PDE3B: variants seen among roughly 807,000 people sequenced by gnomAD.
PDE3B encodes phosphodiesterase 3B.
A neutral mutation model predicts 116.8 loss-of-function variants in PDE3B; 66 were observed. That is an observed-to-expected ratio of 0.56 (90% confidence interval 0.46 to 0.69). The LOEUF is 0.69. PDE3B is among the 30% of genes least tolerant of loss of function. The probability of loss-of-function intolerance (pLI) is 0.00; values close to 1 mark genes in which losing one functional copy is unlikely to be tolerated. For missense variants in PDE3B, 1,384 were observed against 1,368.1 expected (o/e 1.01, Z -0.18); for synonymous variants, 595 against 533.6 (o/e 1.12, Z -1.59).
At chr11:14,884,488 C>A in the PDE3B span, among the ~76,000 whole-genome samples, 1 of 135,502 alleles carries the variant, frequency 7.4e-6, no homozygotes, top group Non-Finnish European at 1.5e-5. Flanking sequence ...ACAATGAGAA[C>A]ACATGGACAC....
At chr11:14,810,571 T>G (rs1471763126) in intron 5 of PDE3B, among the ~76,000 whole-genome samples, 1 of 151,998 alleles carries the variant, frequency 6.6e-6, no homozygotes, top group East Asian at 1.9e-4. Flanking sequence ...CTATCATTGT[T>G]GGACATTTGG....
the PDE3B span, among the ~76,000 whole-genome samples, chr11:14,897,492 T>C: frequency 6.6e-6 from 1 of 152,182 alleles, no homozygotes; most frequent in East Asian, 1.9e-4. Context: ...TTTAGTGTCA[T>C]TTGTGGAGGT....
rs145662226 is a variant in PDE3B, at chr11:14,670,920, A to G, written c.978+25867A>G. On this transcript the variant is annotated intron_variant, in intron 1 of 15. Transcript: ENST00000282096. ...GACAGAGTCTCACCATGTTCCCCAG[A>G]CTGGGCGCAAACTCCTGGGTAGGTA... is the stretch of plus-strand genomic sequence containing the variant. Among the ~76,000 whole-genome samples, 679 of 151,306 alleles carry G rather than the reference A, an allele frequency of 4.5e-3. 3 individuals carry two copies. Among genetic ancestry groups the G allele is most frequent in the African/African-American group, 0.015 (606 of 41,166 alleles).
At chr11:14,881,008 G>GCTAGT in the PDE3B span, among the ~76,000 whole-genome samples, 5 of 152,064 alleles carry the variant, frequency 3.3e-5, no homozygotes, top group Admixed American at 3.3e-4. Context: ...ACCACAAGAA[G>GCTAGT]CTAGTCAGTC....
At chr11:14,671,915 C>G (rs573510047) in intron 1 of PDE3B, among the ~76,000 whole-genome samples, 1 of 150,890 alleles carries the variant, frequency 6.6e-6, no homozygotes, top group African/African-American at 2.4e-5. Flanking sequence ...GTGTTCCTAG[C>G]TACTTAGGGG....
At chr11:14,892,076 G>C in the PDE3B span, 1 of 1,611,908 alleles carries the variant, frequency 6.2e-7, no homozygotes, top group South Asian at 1.1e-5. Context: ...GGCAGCCCCG[G>C]CGGCCCCGGG....
chr11:14,773,099 C>T (rs184340169), intron 2 of PDE3B: 12 of 152,054 alleles, frequency 7.9e-5, no homozygotes, highest in Admixed American at 6.6e-5. Flanking sequence ...TTTGTAGATA[C>T]CCTTTAGCAG....
chr11:14,762,719 A>G (rs746666440), intron 1 of PDE3B, among the ~76,000 whole-genome samples: 1 of 152,356 alleles, frequency 6.6e-6, no homozygotes, highest in East Asian at 1.9e-4. Context: ...AGAGAGCATG[A>G]TGGCTTAGGC....
chr11:14,710,493 T>C (rs993224154), intron 1 of PDE3B, among the ~76,000 whole-genome samples: 2 of 152,292 alleles, frequency 1.3e-5, no homozygotes, highest in Admixed American at 6.5e-5. Context: ...TGAGTGGGCA[T>C]GTGACCAAAG....
intron 1 of PDE3B, among the ~76,000 whole-genome samples, chr11:14,737,111 G>A (rs1308558188): frequency 6.6e-6 from 1 of 151,900 alleles, no homozygotes; most frequent in Admixed American, 6.6e-5. Context: ...ATTTACATTT[G>A]TAAAACATTT....
the PDE3B span, chr11:14,880,128 A>G: frequency 3.1e-6 from 5 of 1,612,362 alleles, no homozygotes; most frequent in African/African-American, 6.7e-5. Context: ...CATCAAGAGA[A>G]TCCTCACCTT....
At chr11:14,884,662 C>G in the PDE3B span, among the ~76,000 whole-genome samples, 1 of 150,562 alleles carries the variant, frequency 6.6e-6, no homozygotes, top group African/African-American at 2.5e-5. Flanking sequence ...GCACCTGTAC[C>G]CTAAAACTTA....
intron 1 of PDE3B, among the ~76,000 whole-genome samples, chr11:14,754,605 G>A (rs1263744334): frequency 6.6e-6 from 1 of 151,982 alleles, no homozygotes; most frequent in Non-Finnish European, 1.5e-5. Flanking sequence ...ACAACGTTTT[G>A]TTAAATATGC....
Position 14,818,220 on chromosome 11 carries a change from C to T in PDE3B, c.1560C>T (p.Asn520=). 1.2e-6 allele frequency: 2 copies of T among 1,613,490 alleles called. No individual in the cohort carries two copies. The highest frequency in any genetic ancestry group is 2.2e-5 in the South Asian group (2 of 91,066). The change falls in exon 6 of 16, where the codon AAC becomes AAT. Residue 520 remains asparagine, a synonymous_variant. Coordinates refer to ENST00000282096, the MANE Select transcript of PDE3B (RefSeq NM_000922.4). ...GTCTGAGTCCTGTGAATTCTTCCAACCATGGACCAGTGTCTACTGGCTCTC... is the reference window on the plus strand; with the variant it reads ...GTCTGAGTCCTGTGAATTCTTCCAATCATGGACCAGTGTCTACTGGCTCTC... ...LSSLSPVNSS[N]HGPVSTGSLT... is the part of the protein sequence containing the mutation.
intron 1 of PDE3B, among the ~76,000 whole-genome samples, chr11:14,702,300 A>G (rs959366991): frequency 1.3e-5 from 2 of 151,772 alleles, no homozygotes; most frequent in Non-Finnish European, 2.9e-5. Flanking sequence ...GAGATTATTA[A>G]TAAGAGTTTA....
chr11:14,705,827 T>C (rs1855515037), intron 1 of PDE3B, among the ~76,000 whole-genome samples: 1 of 151,820 alleles, frequency 6.6e-6, no homozygotes, highest in South Asian at 2.1e-4. Flanking sequence ...TAATTGAATA[T>C]TGATATAGCA....
Position 14,746,442 on chromosome 11 carries a change from T to TG in PDE3B, c.979-25495_979-25494insG, listed in dbSNP as rs1856912670. Reference sequence around the variant, plus strand: ...AGCTGTCTTTAAAAAGCTAATGCCCTTTTTCTAGGGCAGCTCACATTAAAT... The same window carrying TG: ...AGCTGTCTTTAAAAAGCTAATGCCCTGTTTTCTAGGGCAGCTCACATTAAAT... On this transcript the variant is annotated intron_variant, in intron 1 of 15. Transcript: ENST00000282096. Among the ~76,000 whole-genome samples the TG allele has an allele frequency of 2.6e-5, 4 of 152,212 alleles. No individual in the cohort carries two copies. The South Asian group carries it at 8.3e-4, about 32-fold the overall frequency.
chr11:14,880,518 A>G, the PDE3B span: 1 of 1,613,422 alleles, frequency 6.2e-7, no homozygotes, highest in Admixed American at 1.7e-5. Context: ...TGTGCTGAAA[A>G]TCGGTGTCTT....
At chr11:14,740,114 A>G (rs1329676292) in intron 1 of PDE3B, among the ~76,000 whole-genome samples, 1 of 152,212 alleles carries the variant, frequency 6.6e-6, no homozygotes, top group Non-Finnish European at 1.5e-5. Flanking sequence ...TGCTAAACTC[A>G]TAAAATGAGT....
Sources: allele counts gnomAD v4.1 joint callset (sites outside exome capture counted in the v4.1 genomes callset), GRCh38; gene constraint gnomAD v4.1.1; transcripts MANE v1.5; gene names NCBI Gene and HGNC (gene_info 2026-07-23, HGNC 2026-07-21).